Variants in SAFB observed in about 807,000 individuals in gnomAD.
The protein encoded by SAFB is scaffold attachment factor B, also known as scaffold attachment factor B1.
In SAFB, 15 loss-of-function variants were observed where a neutral mutation model predicts 101.6. The ratio of observed to expected loss-of-function variants is 0.15; its 90% confidence interval spans 0.10 to 0.23. The LOEUF is 0.23. Ranked by LOEUF, SAFB falls within the 10% of genes least tolerant of loss-of-function variation. The pLI is 1.00. For synonymous variants in SAFB, 449 were observed against 407.5 expected, an observed-to-expected ratio of 1.10 and a Z score of -1.23; for missense variants, 930 against 1,104.1, an observed-to-expected ratio of 0.84 and a Z score of 2.23.
intron 2 of SAFB, among the ~76,000 whole-genome samples, chr19:5,638,948 T>C (rs957245295): frequency 6.6e-6 from 1 of 151,646 alleles, no homozygotes; most frequent in Non-Finnish European, 1.5e-5. Context: ...TCTCAAACTC[T>C]TCTCTTGACC....
intron 17 of SAFB, chr19:5,666,066 C>G (rs2054321558): frequency 1.3e-5 from 2 of 152,176 alleles, no homozygotes; most frequent in Admixed American, 1.3e-4. Flanking sequence ...CAGCCTGTGT[C>G]AAGGGGGTTT....
intron 4 of SAFB, among the ~76,000 whole-genome samples, chr19:5,642,500 T>C (rs1299793832): frequency 6.6e-6 from 1 of 152,010 alleles, no homozygotes; most frequent in Non-Finnish European, 1.5e-5. Context: ...TTGATACCTA[T>C]CTTAAGAGTT....
chr19:5,628,418 T>G (rs752117309), intron 2 of SAFB, among the ~76,000 whole-genome samples: 6 of 152,222 alleles, frequency 3.9e-5, no homozygotes, highest in Non-Finnish European at 5.9e-5. Context: ...GGCCCAAATC[T>G]AAACAAGAAA....
At chr19:5,654,712 T>A (rs1013482843) in intron 13 of SAFB, among the ~76,000 whole-genome samples, 4 of 151,880 alleles carry the variant, frequency 2.6e-5, no homozygotes, top group African/African-American at 4.8e-5. Context: ...GCCTCCCGAG[T>A]AGCTGGGATT....
chr19:5,650,485 C>T (rs1234190513), intron 8 of SAFB, among the ~76,000 whole-genome samples: 1 of 152,158 alleles, frequency 6.6e-6, no homozygotes, highest in Non-Finnish European at 1.5e-5. Context: ...GATCTCAGCT[C>T]ACTGCAACCT....
chr19:5,636,432 T>C (rs1049358057), intron 2 of SAFB, among the ~76,000 whole-genome samples: 1 of 151,986 alleles, frequency 6.6e-6, no homozygotes, highest in Non-Finnish European at 1.5e-5. Flanking sequence ...CCTCGAGGCA[T>C]GTTTTGCCAA....
At chr19:5,657,480 C>G (rs2054089736) in intron 14 of SAFB, 133 bp downstream of exon 14, 2 of 606,574 alleles carry the variant, frequency 3.3e-6, no homozygotes, top group East Asian at 5.8e-5. Context: ...GCTTTCAGTT[C>G]ATAGACTTGT....
At chr19:5,626,557 G>A in intron 2 of SAFB, 68 bp downstream of exon 2, 1 of 925,458 alleles carries the variant, frequency 1.1e-6, no homozygotes, top group African/African-American at 1.6e-5. Context: ...TTGCTAATGT[G>A]CCTCGTTTAC....
At chr19:5,627,079 G>A (rs943089067) in intron 2 of SAFB, among the ~76,000 whole-genome samples, 10 of 152,048 alleles carry the variant, frequency 6.6e-5, no homozygotes, top group Admixed American at 4.6e-4. Flanking sequence ...GGGAGTTTTA[G>A]GAGGGGGATC....
chr19:5,653,111 T>C lies in SAFB; in HGVS notation c.1294-4T>C. ...TGAGTCATATTTGCCTGCTTTCCTT[T>C]GAGGTGGTGGGCGCCAAGGTTGTGA... On this transcript the variant is annotated splice_polypyrimidine_tract_variant and splice_region_variant and intron_variant, in intron 9 of 20. Coordinates refer to ENST00000588852, the MANE Select transcript of SAFB (RefSeq NM_001201338.2). The C allele has an allele frequency of 6.2e-7, 1 of 1,613,462 alleles. No homozygotes were observed.
intron 15 of SAFB, among the ~76,000 whole-genome samples, chr19:5,662,448 C>G (rs903985960): frequency 4.6e-5 from 7 of 150,960 alleles, no homozygotes; most frequent in Non-Finnish European, 1.0e-4. Flanking sequence ...GAGCCAAGAT[C>G]GTGCCACTGC....
chr19:5,657,740 G>A (rs1280240207), intron 14 of SAFB, among the ~76,000 whole-genome samples: 1 of 151,948 alleles, frequency 6.6e-6, no homozygotes, highest in Non-Finnish European at 1.5e-5. Flanking sequence ...GGCTAGGCTG[G>A]TCTGAAACTC....
At chr19:5,661,316 G>A (rs2054196433) in intron 14 of SAFB, among the ~76,000 whole-genome samples, 1 of 151,408 alleles carries the variant, frequency 6.6e-6, no homozygotes, top group Non-Finnish European at 1.5e-5. Flanking sequence ...CACACACACA[G>A]CCTGGGCCTC....
rs996175439 is a variant in SAFB at position 5,668,384 on chromosome 19, G to C, written c.*93G>C. On this transcript the variant is annotated 3_prime_UTR_variant, in exon 21 of 21. Coordinates refer to ENST00000588852, the MANE Select transcript of SAFB (RefSeq NM_001201338.2). ...GTGTAAAAATATTTTTTTTTAATCT[G>C]CTGCCATATTGTAGCTCAATACAAT... The C allele has an allele frequency of 1.5e-5, 21 of 1,392,138 alleles. No individual in the cohort carries two copies. The African/African-American group carries it at 2.1e-4, about 14-fold the overall frequency. The allele number at this position is 1,392,138 out of a possible 1,614,324, so 86.2% of individuals were successfully genotyped here.
chr19:5,645,264 C>A, intron 4 of SAFB, 73 bp from the exon 5 acceptor site: 1 of 699,928 alleles, frequency 1.4e-6, no homozygotes. Flanking sequence ...GTTCACTTTT[C>A]ATTGTACAGA....
intron 2 of SAFB, among the ~76,000 whole-genome samples, chr19:5,637,161 G>A (rs1179850834): frequency 2.0e-5 from 3 of 150,686 alleles, no homozygotes; most frequent in Non-Finnish European, 3.0e-5. Context: ...TGGCTAACAC[G>A]GTGAAACCCC....
chr19:5,627,309 C>CA (rs144918619), intron 2 of SAFB, among the ~76,000 whole-genome samples: 122 of 143,824 alleles, frequency 8.5e-4, no homozygotes, highest in Admixed American at 2.6e-3. Flanking sequence ...TATCCACTGC[C>CA]AAAAAAAAAA....
Position 5,653,999 on chromosome 19 carries a change from C to T in SAFB, c.1527-62C>T, listed in dbSNP as rs189612649. 376 of 1,553,468 alleles carry T rather than the reference C, an allele frequency of 2.4e-4. 1 individual carries two copies. The African/African-American group carries it at 3.3e-3, about 13-fold the overall frequency. ...CATGTGATCCGCCCGCCTCATCCCCCCAAAGTGCTGGGAATACAGGCATGA... is the reference window on the plus strand; with the variant it reads ...CATGTGATCCGCCCGCCTCATCCCCTCAAAGTGCTGGGAATACAGGCATGA... On this transcript the variant is annotated intron_variant, in intron 11 of 20. Coordinates refer to ENST00000588852, the MANE Select transcript of SAFB (RefSeq NM_001201338.2).
At chr19:5,648,934 C>CT in intron 6 of SAFB, 55 bp from the exon 7 acceptor site, 1 of 381,008 alleles carries the variant, frequency 2.6e-6, no homozygotes, top group Non-Finnish European at 5.3e-6. Flanking sequence ...TTTGTGATTG[C>CT]TTTATTTCCC....
Sources: gnomAD v4.1 joint callset for allele counts (sites outside exome capture counted in the v4.1 genomes callset) on GRCh38, gnomAD v4.1.1 for gene constraint, MANE v1.5 for transcripts, NCBI Gene and HGNC (gene_info 2026-07-23, HGNC 2026-07-21) for gene names.